The following DIS3L2 variants were observed in gnomAD, a reference collection of about 807,000 sequenced individuals.
DIS3L2 encodes the protein DIS3 like 3'-5' exoribonuclease 2.
DIS3L2 carries 34 observed loss-of-function variants against 97.5 expected under a neutral mutation model. The observed-to-expected ratio is 0.35, with a 90% CI of 0.27 to 0.46. The LOEUF is 0.46. Among genes scored for constraint, DIS3L2 ranks in the 20% least tolerant of loss-of-function variants. DIS3L2 has a pLI of 1.00. For missense variants in DIS3L2, 1,038 were observed against 1,146.0 expected (o/e 0.91, Z 1.36); for synonymous variants, 435 against 445.2 (o/e 0.98, Z 0.29).
At position 232,096,147 on chromosome 2, in the gene DIS3L2, C is replaced by T. The variant is rs543942545; in HGVS notation, c.601+8426C>T. Among the ~76,000 whole-genome samples, 390 of 150,468 alleles carry T rather than the reference C, an allele frequency of 2.6e-3. 2 individuals carry two copies. Among genetic ancestry groups the T allele is most frequent in the African/African-American group, 8.9e-3 (363 of 40,890 alleles). On this transcript the variant is annotated intron_variant, in intron 6 of 20. Transcript: ENST00000325385. The stretch of plus-strand genomic sequence containing the variant: ...TGTCGCCCAGGCTGGAGTGCAGTGG[C>T]GTGATCTCGGCTCACTGGAAGCGCT...
intron 5 of DIS3L2, among the ~76,000 whole-genome samples, chr2:232,065,108 G>A (rs1695818163): frequency 6.6e-6 from 1 of 151,786 alleles, no homozygotes; most frequent in Non-Finnish European, 1.5e-5. Context: ...TTAAAATTGT[G>A]GTAAGAACAC....
intron 13 of DIS3L2, among the ~76,000 whole-genome samples, chr2:232,297,055 A>G (rs12617170): frequency 0.21 from 31,885 of 152,110 alleles, 4,736 homozygotes; most frequent in East Asian, 0.49. Context: ...CTGGCACATA[A>G]TTAGATGTGT....
chr2:232,174,258 T>TTA (rs531751220), intron 9 of DIS3L2, among the ~76,000 whole-genome samples: 1 of 151,948 alleles, frequency 6.6e-6, no homozygotes, highest in African/African-American at 2.4e-5. Flanking sequence ...CATTTTATAT[T>TTA]TATATATATA....
At chr2:231,970,439 G>A (rs983904997) in intron 1 of DIS3L2, among the ~76,000 whole-genome samples, 1 of 152,144 alleles carries the variant, frequency 6.6e-6, no homozygotes, top group African/African-American at 2.4e-5. Context: ...AAAGCCTGTG[G>A]CGCTTAGGCT....
intron 5 of DIS3L2, among the ~76,000 whole-genome samples, chr2:232,070,173 C>T (rs1695971356): frequency 6.6e-6 from 1 of 152,134 alleles, no homozygotes; most frequent in African/African-American, 2.4e-5. Flanking sequence ...CCTTCTATCT[C>T]TGTTAGAAAT....
chr2:232,093,240 C>T (rs1293260282), intron 6 of DIS3L2, among the ~76,000 whole-genome samples: 1 of 152,178 alleles, frequency 6.6e-6, no homozygotes. Flanking sequence ...GAATAAATCT[C>T]ACTTGGTCAT....
chr2:232,052,456 A>C (rs769234997), intron 5 of DIS3L2, among the ~76,000 whole-genome samples: 9 of 152,200 alleles, frequency 5.9e-5, no homozygotes, highest in Non-Finnish European at 1.0e-4. Context: ...GTACCAGCTC[A>C]GACTGGAGTC....
intron 3 of DIS3L2, chr2:232,023,034 ACTT>A (rs1306005522): frequency 1.3e-5 from 2 of 152,090 alleles, no homozygotes; most frequent in Admixed American, 1.3e-4. Flanking sequence ...CCTCTACTAT[ACTT>A]CTCATCTGAT....
At chr2:232,334,787 G>A (rs776969863) in intron 19 of DIS3L2, 52 bp downstream of exon 19, 35 of 1,496,868 alleles carry the variant, frequency 2.3e-5, no homozygotes, top group Admixed American at 5.9e-5. Context: ...AAGCCATCCC[G>A]CACTGGAGGG....
intron 13 of DIS3L2, among the ~76,000 whole-genome samples, chr2:232,342,202 CATATATACACATAT>C (rs1483501145): frequency 8.7e-6 from 1 of 115,330 alleles, no homozygotes; most frequent in African/African-American, 5.1e-5. Context: ...TATACACATA[CATATATACACATAT>C]ATACACATAC....
At chr2:232,163,027 A>AT (rs568425092) in intron 8 of DIS3L2, among the ~76,000 whole-genome samples, 174 of 152,308 alleles carry the variant, frequency 1.1e-3, no homozygotes, top group African/African-American at 4.1e-3. Flanking sequence ...ATATTTTAAA[A>AT]TTTTAAAGAT....
In DIS3L2 at chr2:232,242,319, C is replaced by T. The variant is rs1693122124; in HGVS notation, c.1317+3674C>T. Among the ~76,000 whole-genome samples, 5 of 152,300 alleles carry T rather than the reference C, an allele frequency of 3.3e-5. No homozygotes were observed. The South Asian group carries it at 1.0e-3, about 32-fold the overall frequency. ...CCAATTCTCAGACTGCAGATATGGG[C>T]TGCGATGGCCAATGGGTTATCGCAC... On this transcript the variant is annotated intron_variant, in intron 11 of 20. Transcript: ENST00000325385.
chr2:232,336,310 G>A (rs1575029786), intron 20 of DIS3L2, 159 bp from the exon 21 acceptor site: 3 of 1,547,414 alleles, frequency 1.9e-6, no homozygotes, highest in Non-Finnish European at 2.6e-6. Flanking sequence ...CCTGACCCAG[G>A]GCATTCTTCC....
At chr2:232,119,125 A>G (rs1318074269) in intron 6 of DIS3L2, among the ~76,000 whole-genome samples, 1 of 152,136 alleles carries the variant, frequency 6.6e-6, no homozygotes, top group African/African-American at 2.4e-5. Context: ...AGAGAATGAA[A>G]TATTGAATGT....
intron 6 of DIS3L2, among the ~76,000 whole-genome samples, chr2:232,118,481 T>C (rs542261914): frequency 4.9e-4 from 75 of 152,354 alleles, no homozygotes; most frequent in African/African-American, 1.5e-3. Flanking sequence ...CTGGTGTTTT[T>C]ACAATTGACT....
chr2:232,148,374 A>G (rs1454202041), intron 8 of DIS3L2, among the ~76,000 whole-genome samples: 3 of 152,084 alleles, frequency 2.0e-5, no homozygotes, highest in Non-Finnish European at 1.5e-5. Context: ...AGGGCATCTA[A>G]GGCCCCCAAA....
At chr2:232,156,419 G>T (rs1690496375) in intron 8 of DIS3L2, among the ~76,000 whole-genome samples, 1 of 151,740 alleles carries the variant, frequency 6.6e-6, no homozygotes, top group Admixed American at 6.6e-5. Context: ...CATTTCTGTG[G>T]TTATATGCTT....
chr2:232,083,072 C>CT (rs1312987055), intron 5 of DIS3L2, among the ~76,000 whole-genome samples: 1 of 151,368 alleles, frequency 6.6e-6, no homozygotes, highest in African/African-American at 2.4e-5. Flanking sequence ...AGACCCACCC[C>CT]CCCATGATTC....
At chr2:231,975,164 C>G (rs1693045475) in intron 1 of DIS3L2, among the ~76,000 whole-genome samples, 1 of 152,104 alleles carries the variant, frequency 6.6e-6, no homozygotes, top group Non-Finnish European at 1.5e-5. Context: ...GAATGTGTCC[C>G]TGGACTATGC....
Sources: gnomAD v4.1 joint callset for allele counts (sites outside exome capture counted in the v4.1 genomes callset) on GRCh38, gnomAD v4.1.1 for gene constraint, MANE v1.5 for transcripts, NCBI Gene and HGNC (gene_info 2026-07-23, HGNC 2026-07-21) for gene names.